Variants in PCDHA5 observed in about 807,000 individuals in gnomAD.
PCDHA5 encodes protocadherin alpha-5.
PCDHA5 carries 43 observed loss-of-function variants against 61.6 expected under a neutral mutation model. That is an observed-to-expected ratio of 0.70 (90% CI 0.55 to 0.90). PCDHA5 has a LOEUF of 0.90. Ranked by LOEUF, PCDHA5 falls within the 40% of genes least tolerant of loss-of-function variation. The pLI is 0.00. For synonymous variants in PCDHA5, 627 were observed against 543.9 expected, an observed-to-expected ratio of 1.15 and a Z score of -2.13; for missense variants, 1,298 against 1,222.7, an observed-to-expected ratio of 1.06 and a Z score of -0.92.
At chr5:140,986,372 G>T (rs570215048) in intron 3 of PCDHA5, among the ~76,000 whole-genome samples, 10 of 152,248 alleles carry the variant, frequency 6.6e-5, no homozygotes, top group African/African-American at 1.2e-4. Flanking sequence ...ATGCGTTTTG[G>T]GGGGAGGGAC....
At chr5:140,869,532 G>A (rs917843661) in intron 1 of PCDHA5, 3 of 1,614,130 alleles carry the variant, frequency 1.9e-6, no homozygotes, top group Non-Finnish European at 1.7e-6. Flanking sequence ...TGCTGATTGC[G>A]GAATCTAAGC....
intron 1 of PCDHA5, chr5:140,876,130 C>T: frequency 6.2e-7 from 1 of 1,613,938 alleles, no homozygotes; most frequent in Non-Finnish European, 8.5e-7. Context: ...TGGCGGTAAA[C>T]CAGAACTAAC....
rs2150153911 is a variant in PCDHA5 at position 140,828,315 on chromosome 5, T to C, written c.2352+4188T>C. 6.0e-5 allele frequency: 97 copies of C among 1,614,054 alleles called. No homozygotes were observed. The highest frequency in any genetic ancestry group is 6.7e-5 in the Admixed American group (4 of 60,014). ...GCCTCCAAAGACCGCGAGGACCTTC[T>C]GGAGGTAAATCTGCAGAATGGCATT... On this transcript the variant is annotated intron_variant, in intron 1 of 3. Coordinates refer to ENST00000529859, the MANE Select transcript of PCDHA5 (RefSeq NM_018908.3).
rs143298646 is a variant in PCDHA5 at position 140,846,200 on chromosome 5, T to A, written c.2352+22073T>A. ...TAGGCGTTTGAGTTCTTTGTATGTA[T>A]GAGATCTTTCCATTAATAGTATTTT... On this transcript the variant is annotated intron_variant, in intron 1 of 3. Coordinates refer to ENST00000529859, the MANE Select transcript of PCDHA5 (RefSeq NM_018908.3). Among the ~76,000 whole-genome samples, 321 of 149,672 alleles carry A rather than the reference T, an allele frequency of 2.1e-3. 23 individuals carry two copies. The highest frequency in any genetic ancestry group is 7.4e-3 in the African/African-American group (305 of 40,998).
intron 1 of PCDHA5, chr5:140,852,195 C>T (rs2150513188): frequency 8.5e-6 from 6 of 709,164 alleles, no homozygotes; most frequent in African/African-American, 1.9e-5. Flanking sequence ...ATGCCAGTAA[C>T]GTTTATTTAA....
intron 1 of PCDHA5, chr5:140,865,436 C>T (rs544302848): frequency 5.3e-5 from 8 of 152,322 alleles, no homozygotes; most frequent in Admixed American, 5.2e-4. Context: ...AGAAAAATAA[C>T]TTCTGAGAAG....
intron 2 of PCDHA5, among the ~76,000 whole-genome samples, chr5:140,980,491 G>A (rs917181390): frequency 2.6e-5 from 4 of 152,132 alleles, no homozygotes; most frequent in Non-Finnish European, 5.9e-5. Flanking sequence ...TTAGCTGGGC[G>A]TGATGGCATG....
In PCDHA5 at chr5:140,855,924, G is replaced by A. The variant is rs990164410; in HGVS notation, c.2352+31797G>A. 3.2e-5 allele frequency: 40 copies of A among 1,236,784 alleles called. 2 individuals are homozygous for A. In the Admixed American group the frequency reaches 7.8e-4, roughly 24 times the overall value. 76.6% of individuals were successfully genotyped at this position (1,236,784 alleles called of 1,614,324 possible). A position where few individuals can be genotyped will look rare whatever the true frequency, so the allele number is the denominator to read the frequency against. On this transcript the variant is annotated intron_variant, in intron 1 of 3. Coordinates refer to ENST00000529859, the MANE Select transcript of PCDHA5 (RefSeq NM_018908.3). ...CCAGTTTCTCAAGGACTAGGAAGTA[G>A]CGTCATTCTGAGATCTCAGCCATTT...
At chr5:140,943,277 AG>A (rs199866143) in intron 1 of PCDHA5, among the ~76,000 whole-genome samples, 16,429 of 127,604 alleles carry the variant, frequency 0.13, 1,638 homozygotes, top group African/African-American at 0.18. Flanking sequence ...AAAAAAAAAA[AG>A]AAAGAAAGAA....
intron 1 of PCDHA5, among the ~76,000 whole-genome samples, chr5:140,873,090 T>G (rs540850056): frequency 6.6e-6 from 1 of 152,198 alleles, no homozygotes; most frequent in Non-Finnish European, 1.5e-5. Context: ...CCCCCCCGTA[T>G]AGAGGCATAA....
intron 1 of PCDHA5, among the ~76,000 whole-genome samples, chr5:140,947,396 A>G (rs113635864): frequency 6.6e-6 from 1 of 151,710 alleles, no homozygotes; most frequent in Non-Finnish European, 1.5e-5. Flanking sequence ...CACTAAAAGT[A>G]GACTGTCTTG....
At chr5:140,961,548 TTC>T (rs1261051270) in intron 1 of PCDHA5, among the ~76,000 whole-genome samples, 4 of 152,230 alleles carry the variant, frequency 2.6e-5, no homozygotes, top group African/African-American at 9.6e-5. Context: ...CCTGCAGCAT[TTC>T]TTTTTTTAAA....
At position 140,913,249 on chromosome 5, in the gene PCDHA5, A is replaced by G. The variant is rs1389386272; in HGVS notation, c.2353-65700A>G. ...CTTTGCTGGGAGACTTTTTGTTACA[A>G]CTTTGATCTAATTACTTGTTATTGG... On this transcript the variant is annotated intron_variant, in intron 1 of 3. Transcript: ENST00000529859. Among the ~76,000 whole-genome samples the G allele has an allele frequency of 4.6e-5, 7 of 152,262 alleles. No individual in the cohort carries two copies. The East Asian group carries it at 9.6e-4, about 21-fold the overall frequency.
chr5:140,841,647 T>A (rs1580971695), intron 1 of PCDHA5: 1 of 1,614,144 alleles, frequency 6.2e-7, no homozygotes, highest in East Asian at 2.2e-5. Context: ...CTGGAGGTGA[T>A]CGTGGACAGG....
chr5:140,941,402 C>T (rs544909478), intron 1 of PCDHA5, among the ~76,000 whole-genome samples: 12 of 149,674 alleles, frequency 8.0e-5, no homozygotes, highest in African/African-American at 2.5e-4. Flanking sequence ...CTGCAACCTC[C>T]GCCTCCCGGG....
intron 1 of PCDHA5, among the ~76,000 whole-genome samples, chr5:140,891,886 G>A (rs1554184992): frequency 1.3e-5 from 2 of 152,186 alleles, no homozygotes; most frequent in East Asian, 1.9e-4. Context: ...GTCATGTGAC[G>A]ATGCAGCAAG....
Position 140,849,589 on chromosome 5 carries a change from T to C in PCDHA5, c.2352+25462T>C, listed in dbSNP as rs2150441752. On this transcript the variant is annotated intron_variant, in intron 1 of 3. Transcript: ENST00000529859. The stretch of plus-strand genomic sequence containing the variant: ...GTTCCTGTAAAAGAGGACGCACAAC[T>C]GGGGACAGTTATTGCCCTGATTAGT... 3.8e-6 allele frequency: 6 copies of C among 1,598,582 alleles called. No individual in the cohort carries two copies. The Admixed American group carries it at 6.7e-5, about 18-fold the overall frequency.
chr5:140,904,502 G>T (rs1554191560), intron 1 of PCDHA5, among the ~76,000 whole-genome samples: 2 of 151,770 alleles, frequency 1.3e-5, no homozygotes, highest in African/African-American at 4.8e-5. Flanking sequence ...TTTTACAATT[G>T]TGAATTGTGC....
At chr5:140,828,810 C>A (rs1221308735) in intron 1 of PCDHA5, 7 of 1,614,140 alleles carry the variant, frequency 4.3e-6, no homozygotes, top group African/African-American at 1.3e-5. Context: ...GATAATGCTC[C>A]CACTTTCGAA....
Sources: gnomAD v4.1 joint callset for allele counts (sites outside exome capture counted in the v4.1 genomes callset) on GRCh38, gnomAD v4.1.1 for gene constraint, MANE v1.5 for transcripts, NCBI Gene and HGNC (gene_info 2026-07-23, HGNC 2026-07-21) for gene names.